The following KIR2DL1 variants were observed in gnomAD, a reference collection of about 807,000 sequenced individuals.
KIR2DL1 encodes the protein killer cell immunoglobulin-like receptor 2DL1.
Under a neutral mutation model 33.9 loss-of-function variants are expected in KIR2DL1, and 38 were observed. That is an observed-to-expected ratio of 1.12 (90% CI 0.86 to 1.47). KIR2DL1 has a LOEUF of 1.47. Among genes scored for constraint, KIR2DL1 ranks in the 40% most tolerant of loss-of-function variants. The pLI is 0.00. For missense variants in KIR2DL1, 531 were observed against 433.9 expected, an observed-to-expected ratio of 1.22 and a Z score of -1.99; for synonymous variants, 179 against 165.9, an observed-to-expected ratio of 1.08 and a Z score of -0.61.
At chr19:54,772,222 T>G (rs621650) in intron 2 of KIR2DL1, among the ~76,000 whole-genome samples, 27,622 of 143,848 alleles carry the variant, frequency 0.19, 1,235 homozygotes, top group South Asian at 0.33. Flanking sequence ...GGGGTCCACA[T>G]GAAAGGAGGA....
In KIR2DL1 at chr19:54,773,365, C is replaced by A; in HGVS notation, c.103C>A (p.Pro35Thr). The change falls in exon 3 of 8, where the codon CCA becomes ACA. Residue 35 changes from proline (P) to threonine (T), a missense_variant. Pro to Thr is a conservative substitution (Grantham distance 38). Coordinates refer to ENST00000336077, the MANE Select transcript of KIR2DL1 (RefSeq NM_014218.3). Reference protein sequence around the residue: ...VHRKPSLLAHPGRLVKSEETV... With the variant: ...VHRKPSLLAHTGRLVKSEETV... ...CAGAAAACCTTCCCTCCTGGCCCAC[C>A]CAGGTCGCCTGGTGAAATCAGAAGA... The A allele has an allele frequency of 5.0e-6, 8 of 1,599,704 alleles. No homozygotes were observed. Among genetic ancestry groups the A allele is most frequent in the African/African-American group, 1.4e-5 (1 of 74,042 alleles).
chr19:54,784,182 A>T lies in KIR2DL1; in HGVS notation c.*369A>T. The T allele has an allele frequency of 2.4e-6, 1 of 422,734 alleles. No homozygotes were observed. The highest frequency in any genetic ancestry group is 4.3e-6 in the Non-Finnish European group (1 of 233,326). 26.2% of individuals were successfully genotyped at this position (422,734 alleles called of 1,614,324 possible). A position where few individuals can be genotyped will look rare whatever the true frequency, so the allele number is the denominator to read the frequency against. On this transcript the variant is annotated 3_prime_UTR_variant, in exon 8 of 8. Coordinates refer to ENST00000336077, the MANE Select transcript of KIR2DL1 (RefSeq NM_014218.3). ...CTCCCTCTTAACGCAGCACTTAGAC[A>T]CGTGTTGTTCCACCTTCCCTCATGC... is the stretch of plus-strand genomic sequence containing the variant.
rs111321678 is a variant in KIR2DL1, at chr19:54,783,837, C to A, written c.*24C>A. The A allele has an allele frequency of 2.5e-6, 4 of 1,613,114 alleles. No individual in the cohort carries two copies. The East Asian group carries it at 6.7e-5, about 27-fold the overall frequency. Reference sequence around the variant, plus strand: ...GAGCACCACAGTCAGGCCTTGAGGGCGTCTTCTAGGGAGACAACAGCCCTG... The same window carrying A: ...GAGCACCACAGTCAGGCCTTGAGGGAGTCTTCTAGGGAGACAACAGCCCTG... On this transcript the variant is annotated 3_prime_UTR_variant, in exon 8 of 8. Transcript: ENST00000336077.
Position 54,784,049 on chromosome 19 carries a change from C to T in KIR2DL1, c.*236C>T, listed in dbSNP as rs2077398900. The T allele has an allele frequency of 3.0e-6, 2 of 673,016 alleles. No individual in the cohort carries two copies. The highest frequency in any genetic ancestry group is 3.7e-5 in the South Asian group (2 of 53,664). The allele number at this position is 673,016 out of a possible 1,614,324, so 41.7% of individuals were successfully genotyped here. A position where few individuals can be genotyped will look rare whatever the true frequency, so the allele number is the denominator to read the frequency against. Reference sequence around the variant, plus strand: ...ACTCCTTTGCTTAACCCACAGTTCTCCATTTCACTTGACCCCTGCCCACCT... The same window carrying T: ...ACTCCTTTGCTTAACCCACAGTTCTTCATTTCACTTGACCCCTGCCCACCT... On this transcript the variant is annotated 3_prime_UTR_variant, in exon 8 of 8. Coordinates refer to ENST00000336077, the MANE Select transcript of KIR2DL1 (RefSeq NM_014218.3).
intron 4 of KIR2DL1, among the ~76,000 whole-genome samples, chr19:54,778,231 C>T (rs1204854562): frequency 2.0e-5 from 3 of 149,192 alleles, no homozygotes; most frequent in Non-Finnish European, 4.5e-5. Context: ...TGCACTCCAG[C>T]CTGAGTGACA....
intron 4 of KIR2DL1, among the ~76,000 whole-genome samples, chr19:54,776,704 A>T (rs62121647): frequency 7.4e-6 from 1 of 134,830 alleles, no homozygotes; most frequent in African/African-American, 2.8e-5. Context: ...AAAGTGGTGC[A>T]ACCTTGGCTC....
chr19:54,784,028 CTTTG>C lies in KIR2DL1; in HGVS notation c.*216_*219del. ...TGCCTGCTGGAGAAAAAACACACTCCTTTGCTTAACCCACAGTTCTCCATTTCAC... is the reference window on the plus strand; with the variant it reads ...TGCCTGCTGGAGAAAAAACACACTCCCTTAACCCACAGTTCTCCATTTCAC... On this transcript the variant is annotated 3_prime_UTR_variant, in exon 8 of 8. Transcript: ENST00000336077. The C allele has an allele frequency of 1.3e-6, 1 of 756,534 alleles. No individual in the cohort carries two copies. Among genetic ancestry groups the C allele is most frequent in the Non-Finnish European group, 2.2e-6 (1 of 464,634 alleles). The allele number at this position is 756,534 out of a possible 1,614,324, so 46.9% of individuals were successfully genotyped here. A position where few individuals can be genotyped will look rare whatever the true frequency, so the allele number is the denominator to read the frequency against.
intron 6 of KIR2DL1, 120 bp downstream of exon 6, chr19:54,783,143 A>G (rs555679922): frequency 2.5e-6 from 3 of 1,190,514 alleles, no homozygotes; most frequent in East Asian, 4.8e-5. Context: ...GCAGCCACAG[A>G]GGCAGGACTT....
intron 5 of KIR2DL1, among the ~76,000 whole-genome samples, chr19:54,779,463 G>A (rs2076722476): frequency 6.8e-6 from 1 of 147,198 alleles, no homozygotes; most frequent in South Asian, 2.2e-4. Context: ...CATCTCACAT[G>A]GCATCACTCA....
rs201537341 is a variant in KIR2DL1 at position 54,783,795 on chromosome 19, A to C, written c.1029A>C (p.Lys343Asn). 19 of 1,613,814 alleles carry C rather than the reference A, an allele frequency of 1.2e-5. No homozygotes were observed. The highest frequency in any genetic ancestry group is 1.6e-4 in the Middle Eastern group (1 of 6,084). Residue 343 changes from lysine to asparagine, a missense_variant, in exon 8 of 8, where the codon AAA (lysine) becomes AAC (asparagine). Physicochemically the swap from Lys to Asn is moderately conservative, Grantham distance 94. Coordinates refer to ENST00000336077, the MANE Select transcript of KIR2DL1 (RefSeq NM_014218.3). ...TELPNAESRS[K>N]VVSCP is the part of the protein sequence containing the mutation. ...TTCCAAATGCTGAGTCCAGATCCAA[A>C]GTTGTCTCCTGCCCATGAGCACCAC...
At chr19:54,782,826 G>A (rs1159416041) in intron 5 of KIR2DL1, 96 bp from the exon 6 acceptor site, 46 of 1,392,810 alleles carry the variant, frequency 3.3e-5, no homozygotes, top group African/African-American at 9.9e-5. Context: ...CTAAAGAGGT[G>A]TTTTATGTGG....
rs1230950285 is a variant in KIR2DL1 at position 54,782,450 on chromosome 19, A to T, written c.716-472A>T. Among the ~76,000 whole-genome samples the T allele has an allele frequency of 7.6e-4, 115 of 152,066 alleles. 5 individuals are homozygous for T. Among genetic ancestry groups the T allele is most frequent in the Non-Finnish European group, 1.0e-4 (7 of 67,960 alleles). On this transcript the variant is annotated intron_variant, in intron 5 of 7. Transcript: ENST00000336077. ...GCTCCCACTCTGGCAGAAGGGAAGG[A>T]GGGTCTGTCTGTGCAGAGACCACAG...
chr19:54,779,492 C>A (rs1295819184), intron 5 of KIR2DL1, among the ~76,000 whole-genome samples: 1 of 146,196 alleles, frequency 6.8e-6, no homozygotes, highest in Non-Finnish European at 1.5e-5. Flanking sequence ...TTCCTTACCA[C>A]ACCTCTTTCT....
chr19:54,778,181 C>A (rs1411509185), intron 4 of KIR2DL1, among the ~76,000 whole-genome samples: 1 of 148,560 alleles, frequency 6.7e-6, no homozygotes, highest in Non-Finnish European at 1.5e-5. Context: ...AATGATTGAA[C>A]CCAGGAGGCT....
intron 1 of KIR2DL1, among the ~76,000 whole-genome samples, chr19:54,770,472 A>C (rs1291399795): frequency 7.0e-6 from 1 of 143,440 alleles, no homozygotes; most frequent in Non-Finnish European, 1.5e-5. Flanking sequence ...TGGAGTGGAG[A>C]TATGGGACTG....
chr19:54,771,345 C>T (rs2075703108), intron 2 of KIR2DL1, among the ~76,000 whole-genome samples: 1 of 148,346 alleles, frequency 6.7e-6, no homozygotes, highest in Admixed American at 6.8e-5. Context: ...CACCCCATGT[C>T]TACCCTGTGT....
chr19:54,782,422 G>C (rs2077085565), intron 5 of KIR2DL1, among the ~76,000 whole-genome samples: 1 of 152,108 alleles, frequency 6.6e-6, no homozygotes, highest in South Asian at 2.1e-4. Context: ...ACGGCCTCAG[G>C]CTGCTCCCAC....
rs1484231244 is a variant in KIR2DL1, at chr19:54,776,636, T to C, written c.664+1178T>C. 3.0e-4 allele frequency among the ~76,000 whole-genome samples: 19 copies of C among 63,086 alleles called. 1 individual carries two copies. The highest frequency in any genetic ancestry group is 1.0e-3 in the African/African-American group (17 of 16,298). 41.4% of individuals were successfully genotyped at this position (63,086 alleles called of 152,430 possible). A position where few individuals can be genotyped will look rare whatever the true frequency, so the allele number is the denominator to read the frequency against. On this transcript the variant is annotated intron_variant, in intron 4 of 7. Transcript: ENST00000336077. ...TTGCTGGATACTATGAAAGTTCTCTTTTTTTTTTTTTTTTCTTTTTTGAGA... is the reference window on the plus strand; with the variant it reads ...TTGCTGGATACTATGAAAGTTCTCTCTTTTTTTTTTTTTTCTTTTTTGAGA...
At chr19:54,781,606 G>A (rs1237705991) in intron 5 of KIR2DL1, among the ~76,000 whole-genome samples, 5 of 151,274 alleles carry the variant, frequency 3.3e-5, no homozygotes, top group African/African-American at 1.2e-4. Context: ...TAATTCACAG[G>A]AGGACAGGTG....
Sources: allele counts gnomAD v4.1 joint callset (sites outside exome capture counted in the v4.1 genomes callset), GRCh38; gene constraint gnomAD v4.1.1; transcripts MANE v1.5; gene names NCBI Gene and HGNC (gene_info 2026-07-23, HGNC 2026-07-21).